Variants in AGBL4 observed in about 807,000 individuals in gnomAD.
AGBL4 encodes cytosolic carboxypeptidase 6.
In AGBL4, 58 loss-of-function variants were observed where a neutral mutation model predicts 66.4. The observed-to-expected ratio is 0.87, with a 90% CI of 0.71 to 1.09. The LOEUF (loss-of-function observed/expected upper bound fraction) is 1.09, where lower values mean the gene tolerates loss of function less well. Ranked by LOEUF, AGBL4 falls within the 50% of genes least tolerant of loss-of-function variation. The probability of loss-of-function intolerance (pLI) is 0.00; values close to 1 mark genes in which losing one functional copy is unlikely to be tolerated. For missense variants in AGBL4, 579 were observed against 631.0 expected, an observed-to-expected ratio of 0.92 and a Z score of 0.88; for synonymous variants, 234 against 222.9, an observed-to-expected ratio of 1.05 and a Z score of -0.44.
intron 2 of AGBL4, among the ~76,000 whole-genome samples, chr1:49,849,427 T>A (rs948925759): frequency 2.7e-5 from 4 of 147,320 alleles, no homozygotes; most frequent in African/African-American, 9.9e-5. Flanking sequence ...ATTATTATTA[T>A]TATTATGTAT....
At chr1:49,998,471 G>T (rs1349202437) in intron 1 of AGBL4, among the ~76,000 whole-genome samples, 1 of 152,020 alleles carries the variant, frequency 6.6e-6, no homozygotes, top group Non-Finnish European at 1.5e-5. Context: ...ATAAAGTCCA[G>T]GACAAAACAG....
At chr1:49,912,435 T>C (rs1378216624) in intron 1 of AGBL4, among the ~76,000 whole-genome samples, 1 of 152,238 alleles carries the variant, frequency 6.6e-6, no homozygotes, top group Non-Finnish European at 1.5e-5. Flanking sequence ...TAACAACATC[T>C]AATATTTTAT....
chr1:49,135,906 G>GT (rs1172642496), intron 4 of AGBL4, among the ~76,000 whole-genome samples: 2 of 152,172 alleles, frequency 1.3e-5, no homozygotes, highest in African/African-American at 2.4e-5. Flanking sequence ...CACAAAATGA[G>GT]TAAGTGTAAT....
At chr1:49,471,668 A>G (rs1457740961) in intron 3 of AGBL4, among the ~76,000 whole-genome samples, 1 of 151,958 alleles carries the variant, frequency 6.6e-6, no homozygotes, top group African/African-American at 2.4e-5. Flanking sequence ...ACAAAAGCCA[A>G]CAAAAATCTG....
At chr1:49,261,076 G>T (rs1413484854) in intron 3 of AGBL4, among the ~76,000 whole-genome samples, 1 of 152,046 alleles carries the variant, frequency 6.6e-6, no homozygotes, top group Non-Finnish European at 1.5e-5. Flanking sequence ...TATCTCAATA[G>T]ATGCAGAAAA....
chr1:49,498,599 G>GA (rs566565393), intron 3 of AGBL4, among the ~76,000 whole-genome samples: 8 of 151,320 alleles, frequency 5.3e-5, no homozygotes, highest in East Asian at 2.0e-4. Context: ...CAGGCACAGG[G>GA]AAAAAAAATA....
chr1:48,991,643 T>TA (rs1032588930), intron 5 of AGBL4, among the ~76,000 whole-genome samples: 2 of 152,094 alleles, frequency 1.3e-5, no homozygotes, highest in African/African-American at 4.8e-5. Context: ...TTCCCTAGTC[T>TA]TGTAGGTGTG....
intron 3 of AGBL4, among the ~76,000 whole-genome samples, chr1:49,258,081 C>T (rs1003358747): frequency 9.9e-5 from 15 of 152,192 alleles, no homozygotes; most frequent in Admixed American, 5.9e-4. Context: ...AGCAACAGAC[C>T]TGCAGCTGAG....
chr1:49,310,782 C>T (rs942636929), intron 3 of AGBL4, among the ~76,000 whole-genome samples: 1 of 151,810 alleles, frequency 6.6e-6, no homozygotes, highest in Non-Finnish European at 1.5e-5. Context: ...TGAACACTTT[C>T]TATGTGTCAG....
At chr1:49,572,734 G>T (rs1375768443) in intron 3 of AGBL4, among the ~76,000 whole-genome samples, 1 of 152,098 alleles carries the variant, frequency 6.6e-6, no homozygotes, top group Non-Finnish European at 1.5e-5. Flanking sequence ...TTTGAATATT[G>T]TGATGGTTAA....
intron 4 of AGBL4, among the ~76,000 whole-genome samples, chr1:49,190,361 T>C (rs1009383162): frequency 6.6e-6 from 1 of 152,202 alleles, no homozygotes; most frequent in Non-Finnish European, 1.5e-5. Context: ...GAGTCCTTTA[T>C]TATATTGTTT....
intron 5 of AGBL4, among the ~76,000 whole-genome samples, chr1:48,874,338 C>T (rs1649012908): frequency 6.6e-6 from 1 of 152,118 alleles, no homozygotes; most frequent in African/African-American, 2.4e-5. Flanking sequence ...CCAAGTGTAG[C>T]CTGCTTCCTG....
At chr1:48,686,534 G>A (rs1312534300) in intron 6 of AGBL4, among the ~76,000 whole-genome samples, 5 of 152,290 alleles carry the variant, frequency 3.3e-5, no homozygotes, top group Admixed American at 6.5e-5. Flanking sequence ...TGTGTTGAAC[G>A]AGTAGAAAGA....
chr1:48,859,151 C>A (rs993612469), intron 6 of AGBL4, among the ~76,000 whole-genome samples: 2 of 152,082 alleles, frequency 1.3e-5, no homozygotes, highest in African/African-American at 4.8e-5. Flanking sequence ...ACTAACATGG[C>A]AAATGCTAGG....
chr1:48,811,374 C>A (rs946817785), intron 6 of AGBL4, among the ~76,000 whole-genome samples: 1 of 152,202 alleles, frequency 6.6e-6, no homozygotes, highest in South Asian at 2.1e-4. Context: ...GCCAGGACCT[C>A]AGACTCAAGC....
At chr1:48,564,437 A>C (rs1644443476) in intron 11 of AGBL4, among the ~76,000 whole-genome samples, 2 of 150,688 alleles carry the variant, frequency 1.3e-5, no homozygotes, top group Non-Finnish European at 3.0e-5. Flanking sequence ...ACTAGATGAC[A>C]TGGGGGCTCC....
At chr1:49,847,981 G>A (rs967664183) in intron 2 of AGBL4, among the ~76,000 whole-genome samples, 4 of 152,192 alleles carry the variant, frequency 2.6e-5, no homozygotes, top group African/African-American at 4.8e-5. Context: ...GATTACAGGC[G>A]TGAGCCACCA....
chr1:48,845,730 G>T (rs1646894735), intron 6 of AGBL4, among the ~76,000 whole-genome samples: 1 of 152,126 alleles, frequency 6.6e-6, no homozygotes, highest in African/African-American at 2.4e-5. Flanking sequence ...GCAGTTAAGA[G>T]TAAATTCTGG....
intron 2 of AGBL4, among the ~76,000 whole-genome samples, chr1:49,777,134 A>G (rs1265573366): frequency 6.6e-6 from 1 of 152,178 alleles, no homozygotes; most frequent in Non-Finnish European, 1.5e-5. Context: ...GCTGAGAAAT[A>G]AGTCATAAAA....
Sources: allele counts gnomAD v4.1 joint callset (sites outside exome capture counted in the v4.1 genomes callset), GRCh38; gene constraint gnomAD v4.1.1; transcripts MANE v1.5; gene names NCBI Gene and HGNC (gene_info 2026-07-23, HGNC 2026-07-21).